Variants in VAPB observed in about 807,000 individuals in gnomAD.
The protein encoded by VAPB is vesicle-associated membrane protein-associated protein B/C.
VAPB carries 7 observed loss-of-function variants against 25.6 expected under a neutral mutation model. The observed-to-expected ratio is 0.27, with a 90% CI of 0.16 to 0.51. The LOEUF (loss-of-function observed/expected upper bound fraction) is 0.51. Ranked by LOEUF, VAPB falls within the 20% of genes least tolerant of loss-of-function variation. The probability of loss-of-function intolerance (pLI) is 0.97; values close to 1 mark genes in which losing one functional copy is unlikely to be tolerated. For missense variants in VAPB, 266 were observed against 301.3 expected, an observed-to-expected ratio of 0.88 and a Z score of 0.87; for synonymous variants, 112 against 109.2, an observed-to-expected ratio of 1.03 and a Z score of -0.16.
intron 5 of VAPB, among the ~76,000 whole-genome samples, chr20:58,441,429 C>T (rs1313507481): frequency 6.6e-6 from 1 of 152,158 alleles, no homozygotes; most frequent in Non-Finnish European, 1.5e-5. Flanking sequence ...ATCACAAGGT[C>T]AAGCGTTCAA....
intron 1 of VAPB, among the ~76,000 whole-genome samples, chr20:58,393,864 C>T (rs1009491356): frequency 6.6e-6 from 1 of 152,200 alleles, no homozygotes; most frequent in African/African-American, 2.4e-5. Flanking sequence ...TCCCGAGTAG[C>T]TGGGATTACA....
intron 2 of VAPB, among the ~76,000 whole-genome samples, chr20:58,427,219 G>A (rs1476963854): frequency 7.3e-5 from 11 of 151,406 alleles, no homozygotes; most frequent in Admixed American, 1.3e-4. Flanking sequence ...AAAGTGATCC[G>A]TGATCTGTTA....
chr20:58,439,075 A>C, intron 4 of VAPB, 50 bp downstream of exon 4: 2 of 1,515,086 alleles, frequency 1.3e-6, no homozygotes, highest in Admixed American at 1.7e-5. Context: ...GCTGATACTT[A>C]TTTGCATACC....
rs191866557 is a variant in VAPB, at chr20:58,441,363, C to T, written c.573+280C>T. On this transcript the variant is annotated intron_variant, in intron 5 of 5. Coordinates refer to ENST00000475243, the MANE Select transcript of VAPB (RefSeq NM_004738.5). Reference sequence around the variant, plus strand: ...AAAAAACAAAAACAAAAAACTTGGCCGGGTGCGGTGGCTCACGCCTGTAAT... The same window carrying T: ...AAAAAACAAAAACAAAAAACTTGGCTGGGTGCGGTGGCTCACGCCTGTAAT... Among the ~76,000 whole-genome samples the T allele has an allele frequency of 5.7e-4, 87 of 152,154 alleles. 1 individual carries two copies. Among genetic ancestry groups the T allele is most frequent in the Middle Eastern group, 3.4e-3 (1 of 292 alleles).
rs188343291 is a variant in VAPB, at chr20:58,397,529, A to C, written c.58+8012A>C. ...AGCAAAACTCTGTCTCAAAAAAAAA[A>C]AAAAACAAAACACATTAACTTGTGG... On this transcript the variant is annotated intron_variant, in intron 1 of 5. Transcript: ENST00000475243. Among the ~76,000 whole-genome samples, 27 of 152,144 alleles carry C rather than the reference A, an allele frequency of 1.8e-4. No individual in the cohort carries two copies. The East Asian group carries it at 2.1e-3, about 12-fold the overall frequency.
At chr20:58,415,382 A>G (rs1988514507) in intron 1 of VAPB, among the ~76,000 whole-genome samples, 1 of 152,254 alleles carries the variant, frequency 6.6e-6, no homozygotes, top group African/African-American at 2.4e-5. Context: ...TCTAGGACAT[A>G]AAGGGCATTG....
rs1568724930 is a variant in VAPB at position 58,447,965 on chromosome 20, C to T, written c.*3730C>T. ...CTCGGTGTAGAGGCCACTGCTTCCCCCTGCTGGAGATGGCATTTCATTGAA... is the reference window on the plus strand; with the variant it reads ...CTCGGTGTAGAGGCCACTGCTTCCCTCTGCTGGAGATGGCATTTCATTGAA... On this transcript the variant is annotated 3_prime_UTR_variant, in exon 6 of 6. Transcript: ENST00000475243. 1 of 453,680 alleles carries T rather than the reference C, an allele frequency of 2.2e-6. No homozygotes were observed. Among genetic ancestry groups the T allele is most frequent in the Non-Finnish European group, 4.4e-6 (1 of 226,714 alleles). The allele number at this position is 453,680 out of a possible 1,614,324, so 28.1% of individuals were successfully genotyped here.
chr20:58,396,888 CT>C (rs1275248957), intron 1 of VAPB, among the ~76,000 whole-genome samples: 2 of 151,452 alleles, frequency 1.3e-5, no homozygotes, highest in African/African-American at 4.9e-5. Context: ...GGCTAGGTAA[CT>C]TTCTGCTGGA....
intron 4 of VAPB, chr20:58,439,309 G>A (rs1417670728): frequency 4.6e-6 from 2 of 434,050 alleles, no homozygotes; most frequent in African/African-American, 2.0e-5. Flanking sequence ...CCTGGCAAAG[G>A]TATAGGTTGC....
At position 58,447,442 on chromosome 20, in the gene VAPB, GACTTAT is replaced by G. The variant is rs1568724412; in HGVS notation, c.*3210_*3215del. The G allele has an allele frequency of 1.5e-5, 7 of 453,972 alleles. No individual in the cohort carries two copies. The highest frequency in any genetic ancestry group is 1.1e-4 in the South Asian group (7 of 64,470). 28.1% of individuals were successfully genotyped at this position (453,972 alleles called of 1,614,324 possible). A position where few individuals can be genotyped will look rare whatever the true frequency, so the allele number is the denominator to read the frequency against. On this transcript the variant is annotated 3_prime_UTR_variant, in exon 6 of 6. Transcript: ENST00000475243. ...GTGGCCAGTTTATGGCTAGAGAGACGACTTATACCTCCATAACACAGAAGGGGGAAA... is the reference window on the plus strand; with the variant it reads ...GTGGCCAGTTTATGGCTAGAGAGACGACCTCCATAACACAGAAGGGGGAAA...
At chr20:58,442,817 A>G (rs1236083803) in intron 5 of VAPB, among the ~76,000 whole-genome samples, 1 of 152,212 alleles carries the variant, frequency 6.6e-6, no homozygotes, top group East Asian at 1.9e-4. Flanking sequence ...AGTCAGCTCC[A>G]TGGGACTCAT....
intron 2 of VAPB, among the ~76,000 whole-genome samples, chr20:58,429,994 G>T (rs886318692): frequency 2.5e-5 from 3 of 118,508 alleles, no homozygotes; most frequent in African/African-American, 6.0e-5. Context: ...GATCACTTGA[G>T]CCCAGGAGTT....
chr20:58,417,117 A>T (rs965128199), intron 1 of VAPB, among the ~76,000 whole-genome samples: 2 of 152,242 alleles, frequency 1.3e-5, no homozygotes, highest in African/African-American at 2.4e-5. Context: ...CCTAGAGGAA[A>T]CACAGAAATA....
In VAPB at chr20:58,447,980, A is replaced by G. The variant is rs1184459696; in HGVS notation, c.*3745A>G. The G allele has an allele frequency of 2.2e-6, 1 of 453,920 alleles. No individual in the cohort carries two copies. The highest frequency in any genetic ancestry group is 4.4e-6 in the Non-Finnish European group (1 of 226,752). 28.1% of individuals were successfully genotyped at this position (453,920 alleles called of 1,614,324 possible). ...ACTGCTTCCCCCTGCTGGAGATGGC[A>G]TTTCATTGAAGGGCCTCTCGTGGCT... is the stretch of plus-strand genomic sequence containing the variant. On this transcript the variant is annotated 3_prime_UTR_variant, in exon 6 of 6. Transcript: ENST00000475243.
chr20:58,429,629 C>T (rs568784848), intron 2 of VAPB, among the ~76,000 whole-genome samples: 1 of 152,282 alleles, frequency 6.6e-6, no homozygotes, highest in East Asian at 1.9e-4. Context: ...TAGGGAACGC[C>T]CATTCCTTCC....
chr20:58,438,928 A>T lies in VAPB; in HGVS notation c.316-17A>T, dbSNP rs201335617. 1 of 1,607,108 alleles carries T rather than the reference A, an allele frequency of 6.2e-7. No homozygotes were observed. The highest frequency in any genetic ancestry group is 1.7e-5 in the Admixed American group (1 of 60,018). The stretch of plus-strand genomic sequence containing the variant: ...CAGGTTTATAATATCTTGATTATTA[A>T]ATTTAAATTGTTTTAGTGGAAGGAG... On this transcript the variant is annotated splice_polypyrimidine_tract_variant and intron_variant, in intron 3 of 5. Transcript: ENST00000475243.
At position 58,444,415 on chromosome 20, in the gene VAPB, G is replaced by A. The variant is rs770077065; in HGVS notation, c.*180G>A. 8 of 828,938 alleles carry A rather than the reference G, an allele frequency of 9.7e-6. No individual in the cohort carries two copies. Among genetic ancestry groups the A allele is most frequent in the Non-Finnish European group, 1.6e-5 (8 of 503,578 alleles). 51.3% of individuals were successfully genotyped at this position (828,938 alleles called of 1,614,324 possible). ...TACACACACACAAATATAATGTAAC[G>A]ATCTTTTAGAAAGTTAAAAATGTAT... On this transcript the variant is annotated 3_prime_UTR_variant, in exon 6 of 6. Transcript: ENST00000475243.
intron 1 of VAPB, among the ~76,000 whole-genome samples, chr20:58,393,278 G>A (rs1461047143): frequency 2.0e-5 from 3 of 152,066 alleles, no homozygotes; most frequent in Non-Finnish European, 2.9e-5. Flanking sequence ...CAGTCCTCCC[G>A]CCTCAGCCTT....
rs1351623675 is a variant in VAPB at position 58,446,013 on chromosome 20, G to A, written c.*1778G>A. 1 of 454,074 alleles carries A rather than the reference G, an allele frequency of 2.2e-6. No individual in the cohort carries two copies. The highest frequency in any genetic ancestry group is 1.6e-5 in the South Asian group (1 of 64,476). The allele number at this position is 454,074 out of a possible 1,614,324, so 28.1% of individuals were successfully genotyped here. ...TCTGTCAAGCTGGGTCAGGGGCCTT[G>A]AAACTGGAGAAGTGGAAGTCTATGG... On this transcript the variant is annotated 3_prime_UTR_variant, in exon 6 of 6. Coordinates refer to ENST00000475243, the MANE Select transcript of VAPB (RefSeq NM_004738.5).
Sources: gnomAD v4.1 joint callset for allele counts (sites outside exome capture counted in the v4.1 genomes callset) on GRCh38, gnomAD v4.1.1 for gene constraint, MANE v1.5 for transcripts, NCBI Gene and HGNC (gene_info 2026-07-23, HGNC 2026-07-21) for gene names.